Variants in DTWD2 observed in about 807,000 individuals in gnomAD.
DTWD2 encodes the protein tRNA-uridine aminocarboxypropyltransferase 2.
DTWD2 carries 39 observed loss-of-function variants against 31.8 expected under a neutral mutation model. That is an observed-to-expected ratio of 1.22 (90% CI 0.95 to 1.60). The LOEUF is 1.60. Ranked by LOEUF, DTWD2 falls within the 40% of genes most tolerant of loss-of-function variation. DTWD2 has a pLI of 0.00. For synonymous variants in DTWD2, 180 were observed against 142.8 expected, an observed-to-expected ratio of 1.26 and a Z score of -1.86; for missense variants, 515 against 381.5, an observed-to-expected ratio of 1.35 and a Z score of -2.92.
intron 1 of DTWD2, among the ~76,000 whole-genome samples, chr5:118,950,265 T>TG (rs1393462927): frequency 1.4e-5 from 2 of 147,924 alleles, no homozygotes; most frequent in Admixed American, 6.7e-5. Context: ...GCACCAGAGT[T>TG]GGGGAGTTTT....
intron 4 of DTWD2, among the ~76,000 whole-genome samples, chr5:118,862,364 G>A (rs545863957): frequency 6.6e-6 from 1 of 152,296 alleles, no homozygotes; most frequent in East Asian, 1.9e-4. Flanking sequence ...GTGAGTAAAG[G>A]AGGGCATCCT....
intron 4 of DTWD2, among the ~76,000 whole-genome samples, chr5:118,851,218 CAAAAAAAAA>C (rs35541408): frequency 2.4e-5 from 2 of 81,968 alleles, no homozygotes; most frequent in African/African-American, 5.1e-5. Flanking sequence ...GACCCTATCT[CAAAAAAAAA>C]AAAAAAAAAA....
intron 4 of DTWD2, among the ~76,000 whole-genome samples, chr5:118,860,453 G>T (rs1009163870): frequency 6.6e-5 from 10 of 151,584 alleles, no homozygotes; most frequent in African/African-American, 4.8e-5. Context: ...CCACATTTTT[G>T]ATATTTGGGT....
intron 3 of DTWD2, 76 bp downstream of exon 3, chr5:118,939,106 GAATAAGCTGAAAGA>G (rs1333822218): frequency 5.5e-6 from 7 of 1,277,256 alleles, no homozygotes; most frequent in African/African-American, 4.6e-5. Context: ...TTTAGACCAT[GAATAAGCTGAAAGA>G]AATAAGCTGA....
Position 118,928,056 on chromosome 5 carries a change from T to C in DTWD2, c.597+481A>G, listed in dbSNP as rs181148972. On this transcript the variant is annotated intron_variant, in intron 4 of 5. Coordinates refer to ENST00000510708, the MANE Select transcript of DTWD2 (RefSeq NM_173666.4). ...ACCAATATTAAGAAAGGTGTCTTCA[T>C]AATTAATTACATCAAAAAACTGAAG... is the stretch of plus-strand genomic sequence containing the variant. Among the ~76,000 whole-genome samples the C allele has an allele frequency of 1.5e-3, 234 of 152,230 alleles. 2 individuals are homozygous for C. The highest frequency in any genetic ancestry group is 5.4e-3 in the African/African-American group (225 of 41,580).
intron 4 of DTWD2, among the ~76,000 whole-genome samples, chr5:118,857,361 A>G (rs1752161741): frequency 6.6e-6 from 1 of 152,192 alleles, no homozygotes; most frequent in South Asian, 2.1e-4. Context: ...TATATTTTAC[A>G]AAATGAAAAT....
At chr5:118,937,791 G>A (rs1178442010) in intron 3 of DTWD2, among the ~76,000 whole-genome samples, 2 of 145,498 alleles carry the variant, frequency 1.4e-5, no homozygotes, top group African/African-American at 5.0e-5. Flanking sequence ...GTTGTTTCCA[G>A]ACTTCCCTTT....
At chr5:118,941,955 C>T (rs995867974) in intron 2 of DTWD2, among the ~76,000 whole-genome samples, 1 of 152,162 alleles carries the variant, frequency 6.6e-6, no homozygotes, top group Admixed American at 6.5e-5. Flanking sequence ...TTTCATGTGT[C>T]TGTTGGCTGC....
intron 4 of DTWD2, among the ~76,000 whole-genome samples, chr5:118,866,571 T>C (rs1752384791): frequency 6.6e-6 from 1 of 152,114 alleles, no homozygotes; most frequent in South Asian, 2.1e-4. Flanking sequence ...AGGTAAAATA[T>C]GTAAGGAAAG....
In DTWD2 at chr5:118,841,027, G is replaced by C. The variant is rs753917662; in HGVS notation, c.787C>G (p.Arg263Gly). 1 of 1,613,370 alleles carries C rather than the reference G, an allele frequency of 6.2e-7. No individual in the cohort carries two copies. The highest frequency in any genetic ancestry group is 1.3e-5 in the African/African-American group (1 of 74,882). ...TTCAGAAGGTGTTCCTTGCTGAGGC[G>C]AATTTGGGCACCATGCTGAAGTTGA... ...SFQLQHGAQI[R>G]LSKEHLLKNG... is the part of the protein sequence containing the mutation. The change falls in exon 6 of 6, where the codon CGC becomes GGC. Residue 263 changes from arginine to glycine, a missense_variant. Physicochemically the swap from Arg to Gly is moderately radical, Grantham distance 125. Transcript: ENST00000510708.
Position 118,947,350 on chromosome 5 carries a change from G to A in DTWD2, c.219-2701C>T, listed in dbSNP as rs1313745371. The stretch of plus-strand genomic sequence containing the variant: ...GAATTGAAGGGTGGTAAATATGGAG[G>A]ATTTTATTGCCGATGAAAGTGGCTC... On this transcript the variant is annotated intron_variant, in intron 1 of 5. Coordinates refer to ENST00000510708, the MANE Select transcript of DTWD2 (RefSeq NM_173666.4). 2.0e-5 allele frequency among the ~76,000 whole-genome samples: 3 copies of A among 152,196 alleles called. 1 individual carries two copies. The highest frequency in any genetic ancestry group is 4.4e-5 in the Non-Finnish European group (3 of 68,034).
rs1166961095 is a variant in DTWD2 at position 118,988,481 on chromosome 5, G to C, written c.31C>G (p.Gln11Glu). 1 of 1,601,158 alleles carries C rather than the reference G, an allele frequency of 6.2e-7. No individual in the cohort carries two copies. The highest frequency in any genetic ancestry group is 8.5e-7 in the Non-Finnish European group (1 of 1,175,262). ...CCAGAAGGCCGCGCAACGGGCTCCT[G>C]GAGTGTTCGTGCCTCTTTCTGCGAC... is the stretch of plus-strand genomic sequence containing the variant. Reference protein sequence around the residue: MESQKEARTLQEPVARPSGAS... With the variant: MESQKEARTLEEPVARPSGAS... The change falls in exon 1 of 6, where the codon CAG becomes GAG. Residue 11 changes from glutamine (Q) to glutamate (E), a missense_variant. By Grantham distance (29) the Gln-to-Glu change is conservative (BLOSUM62 2). Coordinates refer to ENST00000510708, the MANE Select transcript of DTWD2 (RefSeq NM_173666.4).
At chr5:118,858,893 T>C (rs964326567) in intron 4 of DTWD2, among the ~76,000 whole-genome samples, 11 of 152,228 alleles carry the variant, frequency 7.2e-5, no homozygotes, top group Non-Finnish European at 1.0e-4. Flanking sequence ...GTTAGGTTTC[T>C]TAAGCCTCCT....
chr5:118,977,405 T>C (rs1321783007), intron 1 of DTWD2, among the ~76,000 whole-genome samples: 3 of 152,214 alleles, frequency 2.0e-5, no homozygotes, highest in Non-Finnish European at 4.4e-5. Context: ...TTGTATCTGT[T>C]TGCAGATGAC....
chr5:118,889,137 G>A (rs1433999737), intron 4 of DTWD2, among the ~76,000 whole-genome samples: 1 of 152,082 alleles, frequency 6.6e-6, no homozygotes, highest in Non-Finnish European at 1.5e-5. Flanking sequence ...TATGGCTCAT[G>A]CTTTTGGTGA....
At chr5:118,961,337 TAAC>T (rs1754702220) in intron 1 of DTWD2, among the ~76,000 whole-genome samples, 1 of 152,238 alleles carries the variant, frequency 6.6e-6, no homozygotes, top group Non-Finnish European at 1.5e-5. Context: ...ACAGCTTTCT[TAAC>T]AGCAAATTAA....
rs138320913 is a variant in DTWD2, at chr5:118,967,323, G to C, written c.218+20971C>G. ...TAGATATAGGTATATGCATGGGTTAGTATATACACAGAAATCCTAGATCTG... is the reference window on the plus strand; with the variant it reads ...TAGATATAGGTATATGCATGGGTTACTATATACACAGAAATCCTAGATCTG... On this transcript the variant is annotated intron_variant, in intron 1 of 5. Transcript: ENST00000510708. 6.8e-3 allele frequency among the ~76,000 whole-genome samples: 1,028 copies of C among 152,278 alleles called. 12 individuals are homozygous for C. Among genetic ancestry groups the C allele is most frequent in the African/African-American group, 0.024 (987 of 41,552 alleles).
At chr5:118,957,111 G>T (rs1754604292) in intron 1 of DTWD2, among the ~76,000 whole-genome samples, 1 of 152,100 alleles carries the variant, frequency 6.6e-6, no homozygotes, top group African/African-American at 2.4e-5. Flanking sequence ...ACTGCTTCAA[G>T]TACAAATAAC....
At chr5:118,975,936 A>C (rs1298707983) in intron 1 of DTWD2, among the ~76,000 whole-genome samples, 1 of 152,172 alleles carries the variant, frequency 6.6e-6, no homozygotes, top group Non-Finnish European at 1.5e-5. Flanking sequence ...TTGACCACAT[A>C]ATTAGAAGCA....
Sources: allele counts gnomAD v4.1 joint callset (sites outside exome capture counted in the v4.1 genomes callset), GRCh38; gene constraint gnomAD v4.1.1; transcripts MANE v1.5; gene names NCBI Gene and HGNC (gene_info 2026-07-23, HGNC 2026-07-21).